RMDN3: variants seen among roughly 807,000 people sequenced by gnomAD.
RMDN3 encodes regulator of microtubule dynamics 3.
Under a neutral mutation model 61.8 loss-of-function variants are expected in RMDN3, and 41 were observed. The ratio of observed to expected loss-of-function variants is 0.66; its 90% CI spans 0.52 to 0.86. The LOEUF (loss-of-function observed/expected upper bound fraction) is 0.86. RMDN3 is among the 40% of genes least tolerant of loss of function. The pLI is 0.00. For synonymous variants in RMDN3, 247 were observed against 232.0 expected (o/e 1.06, Z -0.59); for missense variants, 557 against 585.3 (o/e 0.95, Z 0.50).
Position 40,751,972 on chromosome 15 carries a change from G to A in RMDN3, c.380+14C>T, listed in dbSNP as rs1596057376. Reference sequence around the variant, plus strand: ...GGGGAGGGATAAAGCAGGAGAAGAAGCCGCATTACTCACCGGACCTCCCCA... The same window carrying A: ...GGGGAGGGATAAAGCAGGAGAAGAAACCGCATTACTCACCGGACCTCCCCA... On this transcript the variant is annotated intron_variant, in intron 3 of 12. Coordinates refer to ENST00000338376, the MANE Select transcript of RMDN3 (RefSeq NM_018145.3). 4 of 1,609,980 alleles carry A rather than the reference G, an allele frequency of 2.5e-6. No individual in the cohort carries two copies. The East Asian group carries it at 8.9e-5, about 36-fold the overall frequency.
intron 6 of RMDN3, among the ~76,000 whole-genome samples, chr15:40,741,619 G>GGTTTTTTTT (rs1333820266): frequency 1.6e-5 from 1 of 60,990 alleles, no homozygotes; most frequent in Non-Finnish European, 3.4e-5. Flanking sequence ...TGCAACATAG[G>GGTTTTTTTT]ATTTTTTTTT....
intron 5 of RMDN3, chr15:40,744,401 G>A (rs551800222): frequency 4.9e-6 from 2 of 408,578 alleles, no homozygotes; most frequent in Non-Finnish European, 4.5e-6. Context: ...TCCTAGAACT[G>A]CTGGGAGGAA....
At chr15:40,740,264 G>T in intron 6 of RMDN3, 71 bp from the exon 7 acceptor site, 2 of 1,020,078 alleles carry the variant, frequency 2.0e-6, no homozygotes, top group Non-Finnish European at 1.5e-6. Context: ...CTTGTGGGAA[G>T]AATGACTGCT....
chr15:40,744,768 A>G (rs1054731058), intron 5 of RMDN3, among the ~76,000 whole-genome samples: 7 of 152,138 alleles, frequency 4.6e-5, no homozygotes, highest in African/African-American at 1.7e-4. Flanking sequence ...TGGGGCAAGC[A>G]GTACACTGGC....
chr15:40,747,420 G>A (rs1031074985), intron 4 of RMDN3, among the ~76,000 whole-genome samples: 1 of 152,238 alleles, frequency 6.6e-6, no homozygotes, highest in Non-Finnish European at 1.5e-5. Context: ...GGCATAGAAA[G>A]TAGACTTTAA....
Position 40,738,501 on chromosome 15 carries a change from C to T in RMDN3, c.1047G>A (p.Lys349=). The T allele has an allele frequency of 6.2e-7, 1 of 1,614,116 alleles. No homozygotes were observed. Among genetic ancestry groups the T allele is most frequent in the South Asian group, 1.1e-5 (1 of 91,070 alleles). ...QRRIQSGFSF[K]EHVDKAIALQ... The stretch of plus-strand genomic sequence containing the variant: ...GGAAGGAGGAAAAGCCTGTCCTCAC[C>T]TTGAAGCTAAAGCCACTCTGGATGC... The change falls in exon 8 of 13, where the codon AAG becomes AAA. Residue 349 remains lysine (K), a splice_region_variant and synonymous_variant. Coordinates refer to ENST00000338376, the MANE Select transcript of RMDN3 (RefSeq NM_018145.3).
chr15:40,750,683 G>C (rs1897782792), intron 4 of RMDN3, among the ~76,000 whole-genome samples: 1 of 152,094 alleles, frequency 6.6e-6, no homozygotes, highest in African/African-American at 2.4e-5. Context: ...ATAAAACTTG[G>C]CTGTTCTCTA....
chr15:40,744,987 T>C lies in RMDN3; in HGVS notation c.797A>G (p.Asn266Ser). Residue 266 changes from asparagine (N) to serine (S), a missense_variant, in exon 5 of 13, where the codon AAC becomes AGC. Asn to Ser is a conservative substitution (Grantham distance 46). Coordinates refer to ENST00000338376, the MANE Select transcript of RMDN3 (RefSeq NM_018145.3). ...KREGFQLLLN[N>S]KLVYGSRQDF... is the part of the protein sequence containing the mutation. ...CAGCTGGAGCCTCACCACCAGCTTG[T>C]TGTTGAGCAGCAGCTGGAAGCCCTC... The C allele has an allele frequency of 1.2e-6, 2 of 1,602,778 alleles. No individual in the cohort carries two copies. Among genetic ancestry groups the C allele is most frequent in the Non-Finnish European group, 1.7e-6 (2 of 1,172,648 alleles).
chr15:40,749,546 G>A (rs1897724817), intron 4 of RMDN3, among the ~76,000 whole-genome samples: 2 of 152,116 alleles, frequency 1.3e-5, no homozygotes, highest in African/African-American at 4.8e-5. Context: ...AAAAACAGTT[G>A]TGAAGGGCCT....
Position 40,751,578 on chromosome 15 carries a change from C to G in RMDN3, c.381-9G>C, listed in dbSNP as rs1279645248. On this transcript the variant is annotated splice_polypyrimidine_tract_variant and intron_variant, in intron 3 of 12. Transcript: ENST00000338376. The stretch of plus-strand genomic sequence containing the variant: ...TCTCTTCCATGTGGCATCTGGAAAG[C>G]AGGCCCCATCCCGAAGGGTACCATT... The G allele has an allele frequency of 9.3e-6, 15 of 1,614,174 alleles. No homozygotes were observed. Among genetic ancestry groups the G allele is most frequent in the Non-Finnish European group, 1.3e-5 (15 of 1,180,034 alleles).
intron 4 of RMDN3, among the ~76,000 whole-genome samples, chr15:40,750,210 G>GTTTT (rs10586666): frequency 2.5e-4 from 22 of 89,702 alleles, no homozygotes; most frequent in South Asian, 4.8e-4. Context: ...TGCCCAGCTC[G>GTTTT]TTTTTTTTTT....
At chr15:40,743,868 T>A (rs1031997468) in intron 6 of RMDN3, among the ~76,000 whole-genome samples, 179 bp downstream of exon 6, 1 of 152,220 alleles carries the variant, frequency 6.6e-6, no homozygotes, top group Non-Finnish European at 1.5e-5. Flanking sequence ...AAGCAAAGAC[T>A]GCTCTCTTCT....
intron 4 of RMDN3, among the ~76,000 whole-genome samples, chr15:40,746,240 G>A (rs948085773): frequency 2.0e-5 from 3 of 152,210 alleles, no homozygotes; most frequent in Admixed American, 1.3e-4. Flanking sequence ...ACAAGGCTGG[G>A]GGCGGTGGCT....
At position 40,741,620 on chromosome 15, in the gene RMDN3, A is replaced by ATTTTTTTTTTTTTTTTTTTT. The variant is rs553262858; in HGVS notation, c.911-1447_911-1428dup. Among the ~76,000 whole-genome samples the ATTTTTTTTTTTTTTTTTTTT allele has an allele frequency of 1.0e-3, 73 of 71,732 alleles. 11 individuals carry two copies. Among genetic ancestry groups the ATTTTTTTTTTTTTTTTTTTT allele is most frequent in the East Asian group, 3.7e-3 (6 of 1,606 alleles). The allele number at this position is 71,732 out of a possible 152,430, so 47.1% of individuals were successfully genotyped here. A position where few individuals can be genotyped will look rare whatever the true frequency, so the allele number is the denominator to read the frequency against. On this transcript the variant is annotated intron_variant, in intron 6 of 12. Coordinates refer to ENST00000338376, the MANE Select transcript of RMDN3 (RefSeq NM_018145.3). ...ACTGGAGAAGACACTGCAACATAGG[A>ATTTTTTTTTTTTTTTTTTTT]TTTTTTTTTTTTTTTTTTTTTTTTT...
intron 4 of RMDN3, among the ~76,000 whole-genome samples, chr15:40,750,936 G>T (rs1897793467): frequency 6.6e-6 from 1 of 152,190 alleles, no homozygotes; most frequent in Admixed American, 6.5e-5. Flanking sequence ...CCTGCCAGCT[G>T]CCCCGCCTCA....
intron 10 of RMDN3, 65 bp downstream of exon 10, chr15:40,737,563 A>G (rs907264191): frequency 6.9e-6 from 10 of 1,453,104 alleles, no homozygotes; most frequent in Non-Finnish European, 9.6e-6. Flanking sequence ...AAGGGTCTCA[A>G]TAATGTCCTT....
rs1311271633 is a variant in RMDN3, at chr15:40,745,072, C to T, written c.712G>A (p.Val238Met). 1 of 1,614,146 alleles carries T rather than the reference C, an allele frequency of 6.2e-7. No homozygotes were observed. ...EAGGSSGLED[V>M]LPLLQQADEL... ...TCGGCCTGCTGCAGGAGGGGCAGCACATCCTCCAAGCCTGAGGAACCTCCA... is the reference window on the plus strand; with the variant it reads ...TCGGCCTGCTGCAGGAGGGGCAGCATATCCTCCAAGCCTGAGGAACCTCCA... The change falls in exon 5 of 13, where the codon GTG becomes ATG. Residue 238 changes from valine (V) to methionine (M), a missense_variant. By Grantham distance (21) the Val-to-Met change is conservative (BLOSUM62 1). Transcript: ENST00000338376.
chr15:40,737,935 C>T, intron 9 of RMDN3, 30 bp downstream of exon 9: 1 of 1,611,096 alleles, frequency 6.2e-7, no homozygotes, highest in Non-Finnish European at 8.5e-7. Context: ...CATTTAGGAC[C>T]ATTATGTCAA....
Position 40,737,156 on chromosome 15 carries a change from A to G in RMDN3, c.1327T>C (p.Leu443=). The change falls in exon 12 of 13, where the codon TTG becomes CTG. Residue 443 remains leucine, a synonymous_variant. Coordinates refer to ENST00000338376, the MANE Select transcript of RMDN3 (RefSeq NM_018145.3). The part of the protein sequence containing the change: ...KNSEARWWMK[L]ALELPDVTKE... Reference sequence around the variant, plus strand: ...GTGACATCTGGCAGCTCCAGGGCCAACTTCATCCACCATCTAGCTTCAGAG... The same window carrying G: ...GTGACATCTGGCAGCTCCAGGGCCAGCTTCATCCACCATCTAGCTTCAGAG... The G allele has an allele frequency of 6.2e-7, 1 of 1,614,232 alleles. No individual in the cohort carries two copies. The highest frequency in any genetic ancestry group is 8.5e-7 in the Non-Finnish European group (1 of 1,180,036).
Sources: gnomAD v4.1 joint callset for allele counts (sites outside exome capture counted in the v4.1 genomes callset) on GRCh38, gnomAD v4.1.1 for gene constraint, MANE v1.5 for transcripts, NCBI Gene and HGNC (gene_info 2026-07-23, HGNC 2026-07-21) for gene names.